EPHA6: variants seen among roughly 807,000 people sequenced by gnomAD.
The protein encoded by EPHA6 is EPH receptor A6.
Under a neutral mutation model 112.0 loss-of-function variants are expected in EPHA6, and 50 were observed. That is an observed-to-expected ratio of 0.45 (90% CI 0.36 to 0.56). The LOEUF (loss-of-function observed/expected upper bound fraction) is 0.56, where lower values mean the gene tolerates loss of function less well. EPHA6 is among the 20% of genes least tolerant of loss of function. The pLI, the probability that EPHA6 is intolerant of heterozygous loss-of-function variation, is 0.00. For missense variants in EPHA6, 1,280 were observed against 1,417.4 expected (o/e 0.90, Z 1.56); for synonymous variants, 529 against 490.7 (o/e 1.08, Z -1.03).
intron 1 of EPHA6, among the ~76,000 whole-genome samples, chr3:96,852,813 T>C (rs1473972864): frequency 6.6e-6 from 1 of 152,128 alleles, no homozygotes; most frequent in Non-Finnish European, 1.5e-5. Context: ...TCACCTGGGA[T>C]TGGGACCTTG....
At chr3:96,992,431 T>C (rs2043250878) in intron 3 of EPHA6, among the ~76,000 whole-genome samples, 1 of 152,162 alleles carries the variant, frequency 6.6e-6, no homozygotes, top group Admixed American at 6.6e-5. Context: ...GGTCATTCTT[T>C]TCCTGTCTTA....
chr3:96,995,937 A>C (rs1230068027), intron 3 of EPHA6, among the ~76,000 whole-genome samples: 1 of 151,998 alleles, frequency 6.6e-6, no homozygotes, highest in Non-Finnish European at 1.5e-5. Context: ...ACTTCAGTTG[A>C]CTCTTTCATG....
chr3:96,936,574 T>C (rs576250482), intron 2 of EPHA6, among the ~76,000 whole-genome samples: 1 of 150,300 alleles, frequency 6.7e-6, no homozygotes, highest in Admixed American at 6.6e-5. Flanking sequence ...TGCTCTTGGG[T>C]TTTTTTTTGT....
At chr3:97,328,075 A>ATATGTG (rs1553747801) in intron 5 of EPHA6, among the ~76,000 whole-genome samples, 1 of 146,214 alleles carries the variant, frequency 6.8e-6, no homozygotes, top group Admixed American at 6.9e-5. Flanking sequence ...ATATATATAT[A>ATATGTG]TATAACCTGT....
intron 13 of EPHA6, among the ~76,000 whole-genome samples, chr3:97,636,817 A>G (rs2093949327): frequency 6.6e-6 from 1 of 152,150 alleles, no homozygotes; most frequent in South Asian, 2.1e-4. Context: ...ATAAAGTAAT[A>G]TAGCCCTACA....
chr3:96,995,936 G>A (rs1008848057), intron 3 of EPHA6, among the ~76,000 whole-genome samples: 4 of 152,044 alleles, frequency 2.6e-5, no homozygotes, highest in Non-Finnish European at 5.9e-5. Context: ...CACTTCAGTT[G>A]ACTCTTTCAT....
intron 10 of EPHA6, among the ~76,000 whole-genome samples, chr3:97,485,234 T>C (rs1456731039): frequency 6.6e-6 from 1 of 152,186 alleles, no homozygotes; most frequent in Non-Finnish European, 1.5e-5. Context: ...TCAAAGTCCT[T>C]TTTCCTCCAG....
intron 5 of EPHA6, among the ~76,000 whole-genome samples, chr3:97,313,785 A>T (rs2081672223): frequency 6.6e-6 from 1 of 151,480 alleles, no homozygotes; most frequent in Admixed American, 6.6e-5. Context: ...TAGCCCCTTA[A>T]CAGAGGTATT....
At chr3:97,713,565 T>C (rs998081582) in intron 14 of EPHA6, among the ~76,000 whole-genome samples, 2 of 152,220 alleles carry the variant, frequency 1.3e-5, no homozygotes, top group Non-Finnish European at 2.9e-5. Flanking sequence ...TTCTTTTGCT[T>C]AGGGTAAGAG....
At chr3:97,545,843 C>A (rs926822766) in intron 11 of EPHA6, among the ~76,000 whole-genome samples, 2 of 152,096 alleles carry the variant, frequency 1.3e-5, no homozygotes, top group African/African-American at 4.8e-5. Context: ...CTCCTTTGAT[C>A]TTTGTTGGTT....
chr3:97,380,763 A>G (rs2085678318), intron 5 of EPHA6, among the ~76,000 whole-genome samples: 1 of 152,186 alleles, frequency 6.6e-6, no homozygotes, highest in Non-Finnish European at 1.5e-5. Flanking sequence ...GTAGCCAAAT[A>G]TCCATCTTAA....
chr3:97,451,353 T>G (rs2090524057), intron 7 of EPHA6, among the ~76,000 whole-genome samples: 2 of 151,906 alleles, frequency 1.3e-5, no homozygotes, highest in Admixed American at 1.3e-4. Flanking sequence ...ACCTAGTGAT[T>G]GGGGGTGCAA....
At chr3:97,355,424 G>T (rs1393968746) in intron 5 of EPHA6, among the ~76,000 whole-genome samples, 1 of 152,102 alleles carries the variant, frequency 6.6e-6, no homozygotes, top group East Asian at 1.9e-4. Context: ...TAGTCCATTT[G>T]TTTGTTTTGG....
chr3:97,317,065 C>T (rs1217708195), intron 5 of EPHA6, among the ~76,000 whole-genome samples: 2 of 151,558 alleles, frequency 1.3e-5, no homozygotes, highest in African/African-American at 4.9e-5. Flanking sequence ...GTTATAATTA[C>T]TTAAAACAAC....
At chr3:97,175,924 G>A (rs1486117916) in intron 3 of EPHA6, among the ~76,000 whole-genome samples, 2 of 151,712 alleles carry the variant, frequency 1.3e-5, no homozygotes, top group South Asian at 2.1e-4. Context: ...CTCTAGATAG[G>A]CCTTCCAGTA....
intron 5 of EPHA6, among the ~76,000 whole-genome samples, chr3:97,331,267 A>G (rs992229049): frequency 2.6e-5 from 4 of 152,196 alleles, no homozygotes; most frequent in African/African-American, 9.6e-5. Flanking sequence ...AGGGAAATTT[A>G]TAGCACTAAA....
intron 3 of EPHA6, among the ~76,000 whole-genome samples, chr3:97,026,936 G>A (rs1312609755): frequency 6.6e-6 from 1 of 152,098 alleles, no homozygotes; most frequent in African/African-American, 2.4e-5. Context: ...TCTCATTACT[G>A]GGTATATACT....
chr3:97,276,363 C>T (rs950968254), intron 5 of EPHA6, among the ~76,000 whole-genome samples: 6 of 151,890 alleles, frequency 4.0e-5, no homozygotes, highest in African/African-American at 1.5e-4. Context: ...AGTGGGGTCC[C>T]GCACAGATGG....
intron 3 of EPHA6, among the ~76,000 whole-genome samples, chr3:97,115,461 T>C (rs116477197): frequency 0.033 from 5,075 of 151,612 alleles, 313 homozygotes; most frequent in African/African-American, 0.12. Context: ...GAACTGAGAG[T>C]GGTAGGAAAT....
Sources: gnomAD v4.1 joint callset for allele counts (sites outside exome capture counted in the v4.1 genomes callset) on GRCh38, gnomAD v4.1.1 for gene constraint, MANE v1.5 for transcripts, NCBI Gene and HGNC (gene_info 2026-07-23, HGNC 2026-07-21) for gene names.